Variants in TMEM272 observed in about 807,000 individuals in gnomAD.
The protein encoded by TMEM272 is long intergenic non-protein coding RNA 282.
A neutral mutation model predicts 3.7 loss-of-function variants in TMEM272; 8 were observed. The ratio of observed to expected loss-of-function variants is 2.17; its 90% CI spans 1.27 to 3.91. The LOEUF is 3.91. Ranked by LOEUF, TMEM272 falls within the 30% of genes most tolerant of loss-of-function variation. The probability of loss-of-function intolerance (pLI) is 0.00; values close to 1 mark genes in which losing one functional copy is unlikely to be tolerated. For missense variants in TMEM272, 166 were observed against 91.5 expected (o/e 1.81, Z -3.32); for synonymous variants, 63 against 39.8 (o/e 1.58, Z -2.20).
chr13:51,889,421 A>T, the TMEM272 span, among the ~76,000 whole-genome samples: 1 of 152,090 alleles, frequency 6.6e-6, no homozygotes, highest in Middle Eastern at 3.4e-3. Context: ...GTAGCCTTAC[A>T]AGAAGAGGAG....
the TMEM272 span, among the ~76,000 whole-genome samples, chr13:51,886,366 C>T: frequency 6.6e-6 from 1 of 152,240 alleles, no homozygotes; most frequent in African/African-American, 2.4e-5. Context: ...AGGCAATCTT[C>T]TAAATGCCAC....
At chr13:51,851,983 G>C in the TMEM272 span, among the ~76,000 whole-genome samples, 152 of 152,308 alleles carry the variant, frequency 1.0e-3, no homozygotes, top group African/African-American at 3.5e-3. Context: ...CTGTAATTGT[G>C]TACATGTACC....
At chr13:51,926,670 C>T in the TMEM272 span, among the ~76,000 whole-genome samples, 1 of 149,724 alleles carries the variant, frequency 6.7e-6, no homozygotes, top group Admixed American at 6.6e-5. Flanking sequence ...TGTGCATGTG[C>T]GCGCACGCAC....
the TMEM272 span, among the ~76,000 whole-genome samples, chr13:51,926,750 G>C: frequency 6.6e-6 from 1 of 152,148 alleles, no homozygotes; most frequent in Non-Finnish European, 1.5e-5. Context: ...AATGCTCTAA[G>C]GTGGGACAGG....
Position 51,822,143 on chromosome 13 carries a change from TAGG to T in TMEM272, c.119-9_119-7del. On this transcript the variant is annotated splice_polypyrimidine_tract_variant and splice_region_variant and intron_variant, in intron 3 of 4. Coordinates refer to ENST00000629372, the MANE Select transcript of TMEM272 (RefSeq NM_001351003.2). ...GTCCTCCAAAAATTTCATTCCTACA[TAGG>T]GCAAACAGAAGAGGATTGAGAGAAA... is the stretch of plus-strand genomic sequence containing the variant. 1.4e-6 allele frequency: 1 copy of T among 695,142 alleles called. No homozygotes were observed. The allele number at this position is 695,142 out of a possible 1,614,324, so 43.1% of individuals were successfully genotyped here.
At chr13:51,925,238 T>C in the TMEM272 span, among the ~76,000 whole-genome samples, 1 of 152,198 alleles carries the variant, frequency 6.6e-6, no homozygotes, top group African/African-American at 2.4e-5. Context: ...CATACCAAGC[T>C]AAGCACCTGG....
chr13:51,929,609 A>T, the TMEM272 span, among the ~76,000 whole-genome samples: 1 of 152,256 alleles, frequency 6.6e-6, no homozygotes, highest in Non-Finnish European at 1.5e-5. Flanking sequence ...GGAAGTACAG[A>T]TTCAACTCCT....
the TMEM272 span, chr13:51,862,283 TATATA>T: frequency 3.3e-5 from 5 of 152,330 alleles, no homozygotes; most frequent in South Asian, 1.0e-3. Flanking sequence ...CATAAGGTAA[TATATA>T]ATATTTTCCT....
At chr13:51,894,508 G>A in the TMEM272 span, among the ~76,000 whole-genome samples, 18 of 152,180 alleles carry the variant, frequency 1.2e-4, no homozygotes, top group Admixed American at 9.8e-4. Flanking sequence ...GGGATGAGGC[G>A]ATGGTGGTTG....
chr13:51,908,698 T>C, the TMEM272 span: 1 of 1,478,000 alleles, frequency 6.8e-7, no homozygotes, highest in Non-Finnish European at 9.4e-7. Context: ...AAAGAAGGTA[T>C]ATTAAAACTT....
chr13:51,848,032 C>A (rs1328928655), upstream of TMEM272, among the ~76,000 whole-genome samples: 1 of 151,880 alleles, frequency 6.6e-6, no homozygotes, highest in Non-Finnish European at 1.5e-5. Context: ...TATGAGACTC[C>A]AAAGGTAATG....
chr13:51,858,630 C>A, the TMEM272 span, among the ~76,000 whole-genome samples: 1 of 152,164 alleles, frequency 6.6e-6, no homozygotes, highest in Non-Finnish European at 1.5e-5. Flanking sequence ...AGGACTTTCT[C>A]CTTAGCTCAG....
the TMEM272 span, chr13:51,865,488 G>T: frequency 1.2e-6 from 2 of 1,614,164 alleles, no homozygotes; most frequent in African/African-American, 1.3e-5. Flanking sequence ...CCCAGTATTC[G>T]CCAGAAGAAA....
the TMEM272 span, among the ~76,000 whole-genome samples, chr13:51,876,705 A>G: frequency 1.3e-5 from 2 of 152,144 alleles, no homozygotes; most frequent in Non-Finnish European, 2.9e-5. Context: ...TTGGTGTGTA[A>G]ATTTGTAATT....
upstream of TMEM272, among the ~76,000 whole-genome samples, chr13:51,848,813 A>T (rs1483658075): frequency 5.3e-5 from 8 of 152,154 alleles, no homozygotes; most frequent in Non-Finnish European, 1.0e-4. Flanking sequence ...CTCTTCCCCA[A>T]GATTGCACAA....
chr13:51,848,820 A>C (rs1181476144), upstream of TMEM272, among the ~76,000 whole-genome samples: 1 of 152,208 alleles, frequency 6.6e-6, no homozygotes, highest in African/African-American at 2.4e-5. Context: ...CCAAGATTGC[A>C]CAAAAGTTTG....
At chr13:51,861,269 T>C in the TMEM272 span, among the ~76,000 whole-genome samples, 2 of 152,098 alleles carry the variant, frequency 1.3e-5, no homozygotes, top group African/African-American at 4.8e-5. Context: ...ATAAATAATT[T>C]AGAGATCTAA....
chr13:51,831,302 C>A (rs1056179510), intron 2 of TMEM272, among the ~76,000 whole-genome samples: 1 of 152,044 alleles, frequency 6.6e-6, no homozygotes. Flanking sequence ...CACCTGTGGT[C>A]CCAGCTACTG....
At chr13:51,924,342 C>T in the TMEM272 span, among the ~76,000 whole-genome samples, 3 of 152,162 alleles carry the variant, frequency 2.0e-5, no homozygotes, top group African/African-American at 4.8e-5. Flanking sequence ...ATCACTTGAG[C>T]CCATGAGTTC....
Sources: allele counts gnomAD v4.1 joint callset (sites outside exome capture counted in the v4.1 genomes callset), GRCh38; gene constraint gnomAD v4.1.1; transcripts MANE v1.5; gene names NCBI Gene and HGNC (gene_info 2026-07-23, HGNC 2026-07-21).